ZFHX4: variants seen among roughly 807,000 people sequenced by gnomAD.
ZFHX4 encodes the protein zinc finger homeobox 4, also known as zinc finger homeobox protein 4.
A neutral mutation model predicts 267.6 loss-of-function variants in ZFHX4; 56 were observed. That is an observed-to-expected ratio of 0.21 (90% CI 0.17 to 0.26). The LOEUF is 0.26. Ranked by LOEUF, ZFHX4 falls within the 10% of genes least tolerant of loss-of-function variation. The pLI, the probability that ZFHX4 is intolerant of heterozygous loss-of-function variation, is 1.00. For synonymous variants in ZFHX4, 1,778 were observed against 1,665.6 expected, an observed-to-expected ratio of 1.07 and a Z score of -1.64; for missense variants, 4,332 against 4,420.0, an observed-to-expected ratio of 0.98 and a Z score of 0.56.
chr8:76,762,525 T>A (rs1286359593), intron 3 of ZFHX4, among the ~76,000 whole-genome samples: 3 of 152,182 alleles, frequency 2.0e-5, no homozygotes, highest in East Asian at 3.9e-4. Context: ...TAGTAGGAAT[T>A]CATCATGTGA....
intron 4 of ZFHX4, among the ~76,000 whole-genome samples, chr8:76,779,109 A>T (rs2131774925): frequency 6.6e-6 from 1 of 152,320 alleles, no homozygotes; most frequent in Middle Eastern, 3.4e-3. Context: ...ACCACATGCG[A>T]AACTTTATGC....
chr8:76,859,968 T>G (rs894685444), intron 10 of ZFHX4, among the ~76,000 whole-genome samples: 28 of 152,236 alleles, frequency 1.8e-4, no homozygotes, highest in African/African-American at 5.8e-4. Flanking sequence ...TACAGAAACA[T>G]TTTTAATTCT....
At chr8:76,791,755 G>C (rs1268783136) in intron 4 of ZFHX4, among the ~76,000 whole-genome samples, 4 of 152,042 alleles carry the variant, frequency 2.6e-5, no homozygotes, top group African/African-American at 9.7e-5. Flanking sequence ...GAAGGTTGTA[G>C]CATAAATTAT....
chr8:76,778,510 AACACAC>A, intron 4 of ZFHX4, 71 bp downstream of exon 4: 6 of 1,055,842 alleles, frequency 5.7e-6, no homozygotes, highest in Non-Finnish European at 8.6e-6. Context: ...CACACACACA[AACACAC>A]ACACACACGC....
chr8:76,851,777 C>G lies in ZFHX4; in HGVS notation c.4856C>G (p.Thr1619Arg). ...CACATGAGGTCTGTGCTCCACCAGA[C>G]AAAGGCTAGGGCTGCAAAGCTGGAG... ...EIHMRSVLHQ[T>R]KARAAKLEPS... The change falls in exon 10 of 11, where the codon ACA becomes AGA. Residue 1619 changes from threonine to arginine, a missense_variant. Thr to Arg is a moderately conservative substitution (Grantham distance 71). Around this residue, in one of 7 missense-constraint regions of ZFHX4, gnomAD observed 1,371 missense variants for 1,423.1 expected, o/e 0.96. Coordinates refer to ENST00000651372, the MANE Select transcript of ZFHX4 (RefSeq NM_024721.5). 1.2e-6 allele frequency: 2 copies of G among 1,613,978 alleles called. No individual in the cohort carries two copies. The highest frequency in any genetic ancestry group is 2.2e-5 in the East Asian group (1 of 44,850).
At chr8:76,808,914 C>G (rs535743594) in intron 4 of ZFHX4, among the ~76,000 whole-genome samples, 1 of 143,730 alleles carries the variant, frequency 7.0e-6, no homozygotes, top group East Asian at 1.9e-4. Context: ...CTCTCTGTCT[C>G]TCTCTCTCTC....
intron 3 of ZFHX4, among the ~76,000 whole-genome samples, chr8:76,736,942 CAT>C (rs551431187): frequency 1.1e-3 from 174 of 152,210 alleles, no homozygotes; most frequent in African/African-American, 4.1e-3. Context: ...TCAGATGACA[CAT>C]GTGAATAATG....
chr8:76,717,438 G>A (rs1488414557), intron 3 of ZFHX4, among the ~76,000 whole-genome samples: 1 of 152,142 alleles, frequency 6.6e-6, no homozygotes, highest in East Asian at 1.9e-4. Flanking sequence ...GCAGAAAATT[G>A]TCAGTCACTG....
In ZFHX4 at chr8:76,852,883, G is replaced by T. The variant is rs1214233540; in HGVS notation, c.5962G>T (p.Ala1988Ser). ...LEKFARQYRE[A>S]YDKLYPISPS... ...AAAATTTGCTCGTCAATACAGGGAG[G>T]CCTATGACAAGCTTTATCCAATTTC... is the stretch of plus-strand genomic sequence containing the variant. Residue 1988 changes from alanine (A) to serine (S), a missense_variant, in exon 10 of 11, where the codon GCC (alanine) becomes TCC (serine). Coordinates refer to ENST00000651372, the MANE Select transcript of ZFHX4 (RefSeq NM_024721.5). 1.9e-6 allele frequency: 3 copies of T among 1,613,372 alleles called. No individual in the cohort carries two copies. The African/African-American group carries it at 4.0e-5, about 22-fold the overall frequency.
intron 3 of ZFHX4, among the ~76,000 whole-genome samples, chr8:76,759,286 T>G (rs971884459): frequency 1.3e-5 from 2 of 152,192 alleles, no homozygotes; most frequent in East Asian, 3.8e-4. Context: ...AAAAATCTAT[T>G]CCCCCGTTTG....
chr8:76,821,019 TC>T (rs1416517156), intron 4 of ZFHX4, among the ~76,000 whole-genome samples: 2 of 152,122 alleles, frequency 1.3e-5, no homozygotes, highest in Non-Finnish European at 2.9e-5. Flanking sequence ...CCAACTCTCC[TC>T]CCCAATTATT....
intron 3 of ZFHX4, among the ~76,000 whole-genome samples, chr8:76,731,822 ATTTTTAC>A (rs1334356460): frequency 6.6e-6 from 1 of 150,534 alleles, no homozygotes; most frequent in African/African-American, 2.4e-5. Context: ...ATGATAATTA[ATTTTTAC>A]TTTATGTGAC....
At chr8:76,729,469 CT>C (rs1808940635) in intron 3 of ZFHX4, among the ~76,000 whole-genome samples, 1 of 152,112 alleles carries the variant, frequency 6.6e-6, no homozygotes, top group Non-Finnish European at 1.5e-5. Flanking sequence ...TTTTTACTTA[CT>C]TTTTGTACAA....
Position 76,854,419 on chromosome 8 carries a change from G to T in ZFHX4, c.7498G>T (p.Val2500Phe). 1 of 1,613,966 alleles carries T rather than the reference G, an allele frequency of 6.2e-7. No homozygotes were observed. Among genetic ancestry groups the T allele is most frequent in the Non-Finnish European group, 8.5e-7 (1 of 1,179,880 alleles). Residue 2500 changes from valine (V) to phenylalanine (F), a missense_variant, in exon 10 of 11, where the codon GTT becomes TTT. Physicochemically the swap from Val to Phe is conservative, Grantham distance 50. Around this residue, in one of 7 missense-constraint regions of ZFHX4, gnomAD observed 1,648 missense variants for 1,625.0 expected, o/e 1.01. Coordinates refer to ENST00000651372, the MANE Select transcript of ZFHX4 (RefSeq NM_024721.5). ...ACAATACCAATGTGATCAGTGTACA[G>T]TTGCCTTCCCAACTCTGGAACTCTG... The part of the protein sequence containing the change: ...LLQYQCDQCT[V>F]AFPTLELWQE...
chr8:76,715,093 A>G (rs1371482581), intron 3 of ZFHX4, among the ~76,000 whole-genome samples: 1 of 152,212 alleles, frequency 6.6e-6, no homozygotes, highest in Non-Finnish European at 1.5e-5. Context: ...TGGGAACTTG[A>G]GGGCAGGATA....
intron 3 of ZFHX4, among the ~76,000 whole-genome samples, chr8:76,777,423 T>C (rs1329825395): frequency 6.6e-6 from 1 of 152,162 alleles, no homozygotes; most frequent in Non-Finnish European, 1.5e-5. Context: ...AAGAAAAAGC[T>C]TCACATCATA....
At position 76,866,044 on chromosome 8, in the gene ZFHX4, G is replaced by T. The variant is rs1005302727; in HGVS notation, c.*1479G>T. On this transcript the variant is annotated 3_prime_UTR_variant, in exon 11 of 11. Coordinates refer to ENST00000651372, the MANE Select transcript of ZFHX4 (RefSeq NM_024721.5). ...TTTTTCTGTTGCTGTGGAACTTAAA[G>T]AATGTGAAAGCTGTCAAAGGGTATT... 2 of 152,602 alleles carry T rather than the reference G, an allele frequency of 1.3e-5. No individual in the cohort carries two copies. Among genetic ancestry groups the T allele is most frequent in the Non-Finnish European group, 2.9e-5 (2 of 68,032 alleles). 9.5% of individuals were successfully genotyped at this position (152,602 alleles called of 1,614,324 possible). A position where few individuals can be genotyped will look rare whatever the true frequency, so the allele number is the denominator to read the frequency against.
chr8:76,787,585 G>A (rs1467130783), intron 4 of ZFHX4, among the ~76,000 whole-genome samples: 1 of 148,854 alleles, frequency 6.7e-6, no homozygotes, highest in Non-Finnish European at 1.5e-5. Flanking sequence ...GGCGGATCAC[G>A]AGGTCAGGAG....
chr8:76,787,617 A>G (rs998622390), intron 4 of ZFHX4, among the ~76,000 whole-genome samples: 1 of 148,976 alleles, frequency 6.7e-6, no homozygotes, highest in African/African-American at 2.5e-5. Flanking sequence ...CCTGGCTAAC[A>G]CGGTGAAACC....
Sources: gnomAD v4.1 joint callset for allele counts (sites outside exome capture counted in the v4.1 genomes callset) on GRCh38, gnomAD v4.1.1 for gene constraint, gnomAD v4.1.1 regional missense constraint, MANE v1.5 for transcripts, NCBI Gene and HGNC (gene_info 2026-07-23, HGNC 2026-07-21) for gene names.